The following KCNK9 variants were observed in gnomAD, a reference collection of about 807,000 sequenced individuals.
The protein encoded by KCNK9 is potassium channel subfamily K member 9.
Under a neutral mutation model 10.8 loss-of-function variants are expected in KCNK9, and 1 was observed. That is an observed-to-expected ratio of 0.09 (90% CI 0.03 to 0.44). The LOEUF (loss-of-function observed/expected upper bound fraction) is 0.44. KCNK9 is among the 20% of genes least tolerant of loss of function. The pLI, the probability that KCNK9 is intolerant of heterozygous loss-of-function variation, is 0.97. For missense variants in KCNK9, 303 were observed against 515.0 expected (o/e 0.59, Z 3.98); for synonymous variants, 231 against 222.7 (o/e 1.04, Z -0.33).
At chr8:139,699,736 A>G (rs1817154596) in intron 1 of KCNK9, among the ~76,000 whole-genome samples, 1 of 152,220 alleles carries the variant, frequency 6.6e-6, no homozygotes, top group African/African-American at 2.4e-5. Flanking sequence ...ATATCCCTCC[A>G]AAGCCTTTTA....
chr8:139,683,970 T>C (rs894426042), intron 1 of KCNK9, among the ~76,000 whole-genome samples: 13 of 152,236 alleles, frequency 8.5e-5, no homozygotes, highest in African/African-American at 2.9e-4. Context: ...CCTTCTGACC[T>C]TTGCCCCCTC....
chr8:139,640,876 C>T lies in KCNK9; in HGVS notation c.284-21777G>A, dbSNP rs780622428. Among the ~76,000 whole-genome samples the T allele has an allele frequency of 2.0e-5, 3 of 152,232 alleles. No homozygotes were observed. The East Asian group carries it at 5.8e-4, about 29-fold the overall frequency. ...CGTCTTGAGCATTGCAGACGTGCAC[C>T]GTCACTCGGAGCTCACTGGAGGTGC... On this transcript the variant is annotated intron_variant, in intron 1 of 1. Coordinates refer to ENST00000520439, the MANE Select transcript of KCNK9 (RefSeq NM_001282534.2).
chr8:139,650,535 CCT>C (rs1815831568), intron 1 of KCNK9, among the ~76,000 whole-genome samples: 1 of 152,272 alleles, frequency 6.6e-6, no homozygotes, highest in Middle Eastern at 3.4e-3. Flanking sequence ...CCCTCATCCC[CCT>C]GTCCCTCCCT....
chr8:139,645,656 C>A (rs560109585), intron 1 of KCNK9, among the ~76,000 whole-genome samples: 1 of 152,266 alleles, frequency 6.6e-6, no homozygotes, highest in Non-Finnish European at 1.5e-5. Flanking sequence ...GAGCCCTGCA[C>A]CTGCCCCAGC....
chr8:139,692,271 CTCCTGAACACGA>C (rs969106644), intron 1 of KCNK9, among the ~76,000 whole-genome samples: 2 of 152,186 alleles, frequency 1.3e-5, no homozygotes, highest in African/African-American at 4.8e-5. Context: ...CTGCTAGAGG[CTCCTGAACACGA>C]TCCCTAAATA....
rs560614187 is a variant in KCNK9, at chr8:139,606,423, C to T, written c.*1-4822G>A. Among the ~76,000 whole-genome samples, 251 of 152,268 alleles carry T rather than the reference C, an allele frequency of 1.6e-3. 1 individual carries two copies. The highest frequency in any genetic ancestry group is 5.7e-3 in the African/African-American group (237 of 41,556). Reference sequence around the variant, plus strand: ...AAGACCCACAGATATCCGGTCAATGCACATGCACACACATACCCCAGATGG... The same window carrying T: ...AAGACCCACAGATATCCGGTCAATGTACATGCACACACATACCCCAGATGG... On this transcript the variant is annotated intron_variant, in intron 2 of 2. Transcript: ENST00000650269.
In KCNK9 at chr8:139,603,241, C is replaced by G. The variant is rs59183347; in HGVS notation, c.*1-1640G>C. On this transcript the variant is annotated intron_variant, in intron 2 of 2. Transcript: ENST00000650269. Reference sequence around the variant, plus strand: ...ATGCTCCAAAGTCTCCCACCTGCCCCCCAATTCCTCATTTGGGCAGCGGCA... The same window carrying G: ...ATGCTCCAAAGTCTCCCACCTGCCCGCCAATTCCTCATTTGGGCAGCGGCA... Among the ~76,000 whole-genome samples, 1,062 of 152,294 alleles carry G rather than the reference C, an allele frequency of 7.0e-3. 13 individuals carry two copies. Among genetic ancestry groups the G allele is most frequent in the African/African-American group, 0.025 (1,032 of 41,546 alleles).
intron 1 of KCNK9, among the ~76,000 whole-genome samples, chr8:139,645,234 C>T (rs904512909): frequency 2.6e-5 from 4 of 152,294 alleles, no homozygotes; most frequent in African/African-American, 2.4e-5. Flanking sequence ...CTCATCATCT[C>T]GGGGCCCCAG....
At chr8:139,619,466 A>C (rs1157454031) in intron 1 of KCNK9, among the ~76,000 whole-genome samples, 1 of 152,170 alleles carries the variant, frequency 6.6e-6, no homozygotes, top group African/African-American at 2.4e-5. Flanking sequence ...TAAAGGCTTT[A>C]AAAAGAAAAA....
intron 1 of KCNK9, among the ~76,000 whole-genome samples, chr8:139,645,663 C>T (rs528748309): frequency 1.2e-4 from 18 of 152,342 alleles, no homozygotes; most frequent in Non-Finnish European, 1.8e-4. Context: ...GCACCTGCCC[C>T]AGCAGCCTGG....
At position 139,618,657 on chromosome 8, in the gene KCNK9, G is replaced by A. The variant is rs113907649; in HGVS notation, c.726C>T (p.Val242=). 5.0e-6 allele frequency: 8 copies of A among 1,614,160 alleles called. No individual in the cohort carries two copies. Among genetic ancestry groups the A allele is most frequent in the South Asian group, 3.3e-5 (3 of 91,060 alleles). ...LTVIGAFLNL[V]VLRFLTMNSE... is the part of the protein sequence containing the mutation. The stretch of plus-strand genomic sequence containing the variant: ...TGTTCATGGTCAAGAACCTGAGGAC[G>A]ACCAGGTTGAGGAAGGCCCCGATGA... Residue 242 remains valine (V), a synonymous_variant, in exon 2 of 2, where the codon GTC becomes GTT. Coordinates refer to ENST00000520439, the MANE Select transcript of KCNK9 (RefSeq NM_001282534.2). The surrounding 1 kb of genome is among the most constrained non-coding windows in gnomAD (Gnocchi z 7.9).
At chr8:139,659,079 C>T (rs1816088627) in intron 1 of KCNK9, among the ~76,000 whole-genome samples, 1 of 152,250 alleles carries the variant, frequency 6.6e-6, no homozygotes, top group African/African-American at 2.4e-5. Context: ...GAGGAAGAAA[C>T]AGCATGTATC....
rs143958219 is a variant in KCNK9, at chr8:139,619,916, G to A, written c.284-817C>T. ...GGAATGAATAAATTTGCACCACTCTGTGAATGGAGCCTGGATAGAAATGAG... is the reference window on the plus strand; with the variant it reads ...GGAATGAATAAATTTGCACCACTCTATGAATGGAGCCTGGATAGAAATGAG... On this transcript the variant is annotated intron_variant, in intron 1 of 1. Coordinates refer to ENST00000520439, the MANE Select transcript of KCNK9 (RefSeq NM_001282534.2). Among the ~76,000 whole-genome samples the A allele has an allele frequency of 3.1e-3, 470 of 152,366 alleles. 2 individuals are homozygous for A. Among genetic ancestry groups the A allele is most frequent in the African/African-American group, 0.011 (443 of 41,588 alleles).
intron 1 of KCNK9, among the ~76,000 whole-genome samples, chr8:139,650,880 T>G (rs892373083): frequency 7.9e-5 from 12 of 152,278 alleles, no homozygotes; most frequent in African/African-American, 2.9e-4. Flanking sequence ...ACCAGCCCCT[T>G]GACACCCCCG....
At chr8:139,664,177 T>C (rs187843249) in intron 1 of KCNK9, among the ~76,000 whole-genome samples, 25 of 152,364 alleles carry the variant, frequency 1.6e-4, no homozygotes, top group African/African-American at 5.8e-4. Flanking sequence ...TCTGACATTA[T>C]GTGACCTTGG....
chr8:139,701,631 C>T (rs1283772671), intron 1 of KCNK9, among the ~76,000 whole-genome samples: 1 of 152,126 alleles, frequency 6.6e-6, no homozygotes, highest in African/African-American at 2.4e-5. Flanking sequence ...AACACACTGG[C>T]CTTGGCAAGT....
intron 1 of KCNK9, among the ~76,000 whole-genome samples, chr8:139,656,444 T>G (rs1039214772): frequency 6.6e-6 from 1 of 151,970 alleles, no homozygotes; most frequent in African/African-American, 2.4e-5. Context: ...CGGCCTGGAG[T>G]GCCCTTCCCC....
chr8:139,667,662 C>G (rs1357220563), intron 1 of KCNK9, among the ~76,000 whole-genome samples: 1 of 152,168 alleles, frequency 6.6e-6, no homozygotes, highest in East Asian at 1.9e-4. Flanking sequence ...TGCCACCGCA[C>G]TCCAACCTGG....
At chr8:139,660,880 G>T (rs1349903281) in intron 1 of KCNK9, among the ~76,000 whole-genome samples, 1 of 152,146 alleles carries the variant, frequency 6.6e-6, no homozygotes, top group Non-Finnish European at 1.5e-5. Flanking sequence ...GCTGGTAGAG[G>T]ACCCAGTTGC....
Sources: gnomAD v4.1 joint callset for allele counts (sites outside exome capture counted in the v4.1 genomes callset) on GRCh38, gnomAD v4.1.1 for gene constraint, Gnocchi (gnomAD v3.1) non-coding constraint, MANE v1.5 for transcripts, NCBI Gene and HGNC (gene_info 2026-07-23, HGNC 2026-07-21) for gene names.